Variants in CECR2 observed in about 807,000 individuals in gnomAD.
The protein encoded by CECR2 is chromatin remodeling regulator CECR2.
In CECR2, 30 loss-of-function variants were observed where a neutral mutation model predicts 154.5. The ratio of observed to expected loss-of-function variants is 0.19; its 90% CI spans 0.15 to 0.26. CECR2 has a LOEUF of 0.26. CECR2 is among the 10% of genes least tolerant of loss of function. The pLI is 1.00. For missense variants in CECR2, 1,743 were observed against 1,829.3 expected, an observed-to-expected ratio of 0.95 and a Z score of 0.86; for synonymous variants, 725 against 683.7, an observed-to-expected ratio of 1.06 and a Z score of -0.94.
At chr22:17,545,758 G>T (rs998911737) in intron 16 of CECR2, among the ~76,000 whole-genome samples, 1 of 148,440 alleles carries the variant, frequency 6.7e-6, no homozygotes, top group African/African-American at 2.5e-5. Flanking sequence ...CAGGAGAATC[G>T]CTTGAACCCG....
rs1037752033 is a variant in CECR2, at chr22:17,428,787, A to G, written c.127-48801A>G. ...GCTACTGCACCCAGATGAGAAAAAT[A>G]ATGTTTTTATTTGTGTGTGTGTGTG... On this transcript the variant is annotated intron_variant, in intron 1 of 18. Transcript: ENST00000262608. Among the ~76,000 whole-genome samples the G allele has an allele frequency of 4.7e-5, 4 of 84,446 alleles. No homozygotes were observed. The East Asian group carries it at 1.5e-3, about 32-fold the overall frequency. 55.4% of individuals were successfully genotyped at this position (84,446 alleles called of 152,430 possible).
intron 1 of CECR2, among the ~76,000 whole-genome samples, chr22:17,376,831 T>G (rs2146455215): frequency 6.6e-6 from 1 of 151,910 alleles, no homozygotes; most frequent in East Asian, 1.9e-4. Context: ...AGAGATGGGG[T>G]TTCGCTGTGT....
At chr22:17,395,871 T>C (rs1473507673) in intron 1 of CECR2, among the ~76,000 whole-genome samples, 1 of 152,154 alleles carries the variant, frequency 6.6e-6, no homozygotes, top group Admixed American at 6.5e-5. Context: ...AATAATTTAT[T>C]TGCATTAATA....
At chr22:17,395,278 T>G (rs1181592662) in intron 1 of CECR2, among the ~76,000 whole-genome samples, 1 of 152,116 alleles carries the variant, frequency 6.6e-6, no homozygotes, top group Non-Finnish European at 1.5e-5. Flanking sequence ...TCCACCCACC[T>G]CTGCCTCCCA....
At chr22:17,408,581 T>C (rs1295450865) in intron 1 of CECR2, among the ~76,000 whole-genome samples, 1 of 152,202 alleles carries the variant, frequency 6.6e-6, no homozygotes, top group Non-Finnish European at 1.5e-5. Flanking sequence ...CCCAAGATGT[T>C]TCCGAAACAC....
intron 1 of CECR2, among the ~76,000 whole-genome samples, chr22:17,402,010 G>A (rs1036559124): frequency 3.3e-5 from 5 of 152,088 alleles, no homozygotes; most frequent in Admixed American, 6.5e-5. Flanking sequence ...TGGAGACAGA[G>A]TCTCGCTCTT....
intron 1 of CECR2, among the ~76,000 whole-genome samples, chr22:17,413,769 C>G (rs1262904703): frequency 6.6e-6 from 1 of 151,532 alleles, no homozygotes; most frequent in Admixed American, 6.6e-5. Context: ...CTCCGCCTCC[C>G]ATGTTCACGC....
intron 1 of CECR2, among the ~76,000 whole-genome samples, chr22:17,464,114 A>G (rs893939636): frequency 6.6e-6 from 1 of 152,206 alleles, no homozygotes; most frequent in Non-Finnish European, 1.5e-5. Flanking sequence ...TGCATCACTA[A>G]TACTGGCATT....
In CECR2 at chr22:17,499,135, G is replaced by A. The variant is rs201765640; in HGVS notation, c.406-275G>A. ...CTCCCGAGTAGCTGGGATTACAGGC[G>A]CGCGCCACCACGCCCAGCTGATTTT... On this transcript the variant is annotated intron_variant, in intron 3 of 18. Transcript: ENST00000262608. Among the ~76,000 whole-genome samples the A allele has an allele frequency of 5.0e-4, 76 of 152,006 alleles. No individual in the cohort carries two copies. The East Asian group carries it at 9.9e-3, about 20-fold the overall frequency.
chr22:17,488,379 C>G (rs2055462759), intron 2 of CECR2, among the ~76,000 whole-genome samples: 1 of 152,150 alleles, frequency 6.6e-6, no homozygotes, highest in Non-Finnish European at 1.5e-5. Flanking sequence ...AATGAGGGCA[C>G]CACATAGTCA....
chr22:17,374,425 C>T, intron 1 of CECR2, among the ~76,000 whole-genome samples: 1 of 152,144 alleles, frequency 6.6e-6, no homozygotes, highest in Non-Finnish European at 1.5e-5. Context: ...TAAGTACATC[C>T]ATCATATCAG....
In CECR2 at chr22:17,396,829, TTA is replaced by T. The variant is rs199752608; in HGVS notation, c.126+26922_126+26923del. The stretch of plus-strand genomic sequence containing the variant: ...AACAGCCCAGAACCAGAAGGACAAG[TTA>T]TGAGGGTAGGTGAGAGATGACAGGA... On this transcript the variant is annotated intron_variant, in intron 1 of 18. Transcript: ENST00000262608. 5.2e-3 allele frequency among the ~76,000 whole-genome samples: 793 copies of T among 152,114 alleles called. 1 individual carries two copies. The highest frequency in any genetic ancestry group is 0.024 in the Middle Eastern group (7 of 292).
rs587605822 is a variant in CECR2, at chr22:17,467,795, GAA to G, written c.127-9791_127-9790del. Among the ~76,000 whole-genome samples the G allele has an allele frequency of 2.3e-3, 350 of 150,650 alleles. 4 individuals carry two copies. Among genetic ancestry groups the G allele is most frequent in the Admixed American group, 0.02 (303 of 15,142 alleles). On this transcript the variant is annotated intron_variant, in intron 1 of 18. Transcript: ENST00000262608. ...AAAACTCAGTCTCAAAAAAAAGAAA[GAA>G]AGAGAGAGAGAGTGGAGACTAAACC... is the stretch of plus-strand genomic sequence containing the variant.
intron 8 of CECR2, among the ~76,000 whole-genome samples, chr22:17,523,100 T>C (rs563450608): frequency 1.3e-5 from 2 of 152,112 alleles, no homozygotes; most frequent in South Asian, 4.2e-4. Context: ...TTGTTTTGTG[T>C]TTTTGAGATA....
Position 17,552,993 on chromosome 22 carries a change from C to CT in CECR2, c.*153_*154insT. 6.9e-7 allele frequency: 1 copy of CT among 1,458,164 alleles called. No homozygotes were observed. Among genetic ancestry groups the CT allele is most frequent in the Non-Finnish European group, 9.0e-7 (1 of 1,107,514 alleles). 90.3% of individuals were successfully genotyped at this position (1,458,164 alleles called of 1,614,324 possible). On this transcript the variant is annotated 3_prime_UTR_variant, in exon 19 of 19. Coordinates refer to ENST00000262608, the MANE Select transcript of CECR2 (RefSeq NM_001290047.2). ...GCCATACTTGAGCTGGAGCCAGTCA[C>CT]GGGCCCTAAAAGGACACTCCTTAGA... is the stretch of plus-strand genomic sequence containing the variant.
chr22:17,531,703 A>G (rs2056358166), intron 9 of CECR2, among the ~76,000 whole-genome samples: 1 of 152,238 alleles, frequency 6.6e-6, no homozygotes, highest in Non-Finnish European at 1.5e-5. Context: ...TGATCCTCAG[A>G]TACAGAAAGC....
chr22:17,431,639 TATTTATATTTTGA>T (rs1569078274), intron 1 of CECR2, among the ~76,000 whole-genome samples: 3 of 152,196 alleles, frequency 2.0e-5, no homozygotes, highest in Non-Finnish European at 4.4e-5. Context: ...AAGAAAACTA[TATTTATATTTTGA>T]ATTTATATTT....
chr22:17,473,807 C>T (rs986997264), intron 1 of CECR2, among the ~76,000 whole-genome samples: 4 of 152,162 alleles, frequency 2.6e-5, no homozygotes, highest in African/African-American at 7.2e-5. Flanking sequence ...AAAACTGTTT[C>T]GTCTTCCAAA....
chr22:17,407,464 G>A (rs140504658), intron 1 of CECR2, among the ~76,000 whole-genome samples: 2 of 152,188 alleles, frequency 1.3e-5, no homozygotes, highest in East Asian at 1.9e-4. Context: ...GCACGGTGGC[G>A]GGCGCGTGTA....
Sources: allele counts gnomAD v4.1 joint callset (sites outside exome capture counted in the v4.1 genomes callset), GRCh38; gene constraint gnomAD v4.1.1; transcripts MANE v1.5; gene names NCBI Gene and HGNC (gene_info 2026-07-23, HGNC 2026-07-21).